Variants in ULK4 observed in about 807,000 individuals in gnomAD.
The protein encoded by ULK4 is inactive serine/threonine-protein kinase ULK4.
ULK4 carries 133 observed loss-of-function variants against 160.6 expected under a neutral mutation model. That is an observed-to-expected ratio of 0.83 (90% confidence interval 0.72 to 0.96). The LOEUF is 0.96. Ranked by LOEUF, ULK4 falls within the 40% of genes least tolerant of loss-of-function variation. The pLI is 0.00. For synonymous variants in ULK4, 534 were observed against 539.8 expected, an observed-to-expected ratio of 0.99 and a Z score of 0.15; for missense variants, 1,580 against 1,499.5, an observed-to-expected ratio of 1.05 and a Z score of -0.89.
intron 13 of ULK4, among the ~76,000 whole-genome samples, chr3:41,900,363 T>G (rs1295353530): frequency 6.6e-6 from 1 of 152,028 alleles, no homozygotes; most frequent in African/African-American, 2.4e-5. Flanking sequence ...ACTAGAATAT[T>G]TAGAGTGATT....
chr3:41,776,482 T>C (rs1024963081), intron 21 of ULK4, among the ~76,000 whole-genome samples: 1 of 150,826 alleles, frequency 6.6e-6, no homozygotes, highest in Non-Finnish European at 1.5e-5. Context: ...TGAATAAAAA[T>C]GTGGTACAGT....
At chr3:41,782,848 A>G (rs2039894036) in intron 21 of ULK4, among the ~76,000 whole-genome samples, 1 of 152,232 alleles carries the variant, frequency 6.6e-6, no homozygotes, top group Admixed American at 6.5e-5. Context: ...AAATTATTAA[A>G]TGTGCAAAAG....
intron 25 of ULK4, 139 bp from the exon 26 acceptor site, chr3:41,705,444 T>C: frequency 2.2e-6 from 1 of 456,698 alleles, no homozygotes. Flanking sequence ...ATACATATTA[T>C]ATTATTATAG....
chr3:41,617,303 T>C (rs1463969575), intron 30 of ULK4, among the ~76,000 whole-genome samples: 1 of 152,234 alleles, frequency 6.6e-6, no homozygotes, highest in Admixed American at 6.5e-5. Context: ...AGTGGGTCCC[T>C]GACCCCAAGC....
At position 41,900,729 on chromosome 3, in the gene ULK4, G is replaced by C. The variant is rs1458225794; in HGVS notation, c.1283C>G (p.Pro428Arg). 1 of 1,612,796 alleles carries C rather than the reference G, an allele frequency of 6.2e-7. No individual in the cohort carries two copies. Among genetic ancestry groups the C allele is most frequent in the Non-Finnish European group, 8.5e-7 (1 of 1,179,270 alleles). The part of the protein sequence containing the change: ...DLVVTPIIDN[P>R]KIMKQPPVKF... ...TGTTAGAGTGTCTTTCTGCACCTTTGGATTGTCGATAATGGGGGTGACAAC... is the reference window on the plus strand; with the variant it reads ...TGTTAGAGTGTCTTTCTGCACCTTTCGATTGTCGATAATGGGGGTGACAAC... The change falls in exon 13 of 37, where the codon CCA becomes CGA. Residue 428 changes from proline to arginine, a missense_variant. By Grantham distance (103) the Pro-to-Arg change is moderately radical. Transcript: ENST00000301831.
intron 35 of ULK4, among the ~76,000 whole-genome samples, chr3:41,382,768 CTCTTTA>C (rs1389474914): frequency 2.0e-5 from 3 of 152,070 alleles, no homozygotes; most frequent in Admixed American, 1.3e-4. Flanking sequence ...CTGAACTATA[CTCTTTA>C]TCTTTATATT....
At chr3:41,393,456 C>T (rs1293064713) in intron 35 of ULK4, among the ~76,000 whole-genome samples, 1 of 152,138 alleles carries the variant, frequency 6.6e-6, no homozygotes, top group East Asian at 1.9e-4. Context: ...TCAGGATGTG[C>T]TTCTTCCTGC....
intron 31 of ULK4, among the ~76,000 whole-genome samples, chr3:41,573,759 C>T (rs2088085948): frequency 6.6e-6 from 1 of 152,196 alleles, no homozygotes; most frequent in African/African-American, 2.4e-5. Context: ...GTCTACCATG[C>T]ACTCCATGTA....
At chr3:41,849,414 G>A (rs1321053112) in intron 17 of ULK4, among the ~76,000 whole-genome samples, 2 of 152,160 alleles carry the variant, frequency 1.3e-5, no homozygotes, top group Non-Finnish European at 2.9e-5. Context: ...ATGAACCACA[G>A]ACTGTATACA....
chr3:41,868,309 ATGAAC>A (rs1696969794), intron 17 of ULK4, among the ~76,000 whole-genome samples: 2 of 152,162 alleles, frequency 1.3e-5, no homozygotes, highest in South Asian at 4.1e-4. Context: ...ATGCTTCCTA[ATGAAC>A]TGAAATTTTC....
rs115053279 is a variant in ULK4, at chr3:41,678,544, C to T, written c.2978+2964G>A. On this transcript the variant is annotated intron_variant, in intron 29 of 36. Transcript: ENST00000301831. ...AGAGATGGCGAGAAAGACACATACA[C>T]GGAGCATCACAGACAGAAATCAAGC... 8.5e-3 allele frequency among the ~76,000 whole-genome samples: 1,301 copies of T among 152,230 alleles called. 17 individuals carry two copies. Among genetic ancestry groups the T allele is most frequent in the African/African-American group, 0.03 (1,230 of 41,520 alleles).
intron 2 of ULK4, among the ~76,000 whole-genome samples, chr3:41,945,292 A>G (rs1700080767): frequency 6.6e-6 from 1 of 152,182 alleles, no homozygotes; most frequent in Admixed American, 6.5e-5. Context: ...TACCACTTAC[A>G]TCAGTTTGGA....
chr3:41,438,452 C>A (rs896980744), intron 34 of ULK4, among the ~76,000 whole-genome samples: 1 of 152,002 alleles, frequency 6.6e-6, no homozygotes, highest in African/African-American at 2.4e-5. Context: ...AAATTTGCAC[C>A]CTTCCCCAGT....
chr3:41,484,339 G>A (rs1477494054), intron 32 of ULK4, among the ~76,000 whole-genome samples: 1 of 152,078 alleles, frequency 6.6e-6, no homozygotes, highest in African/African-American at 2.4e-5. Context: ...TGGTCAAAAT[G>A]GGATGAAAAC....
At chr3:41,557,712 C>T (rs953254412) in intron 32 of ULK4, among the ~76,000 whole-genome samples, 117 of 151,976 alleles carry the variant, frequency 7.7e-4, no homozygotes, top group African/African-American at 2.8e-3. Flanking sequence ...CTGCAATAAG[C>T]TCTGATTGTG....
intron 34 of ULK4, among the ~76,000 whole-genome samples, chr3:41,407,947 C>T (rs1020651067): frequency 6.6e-6 from 1 of 151,878 alleles, no homozygotes; most frequent in Non-Finnish European, 1.5e-5. Flanking sequence ...CCTAAGGAAC[C>T]CTTTAAAGAA....
intron 2 of ULK4, among the ~76,000 whole-genome samples, chr3:41,949,749 CTTTT>C (rs199711554): frequency 7.4e-6 from 1 of 134,876 alleles, no homozygotes; most frequent in African/African-American, 2.8e-5. Flanking sequence ...TTTTTTCTTT[CTTTT>C]TTTTTGAGAC....
At chr3:41,267,303 G>T (rs979071124) in intron 35 of ULK4, among the ~76,000 whole-genome samples, 1 of 152,002 alleles carries the variant, frequency 6.6e-6, no homozygotes, top group Non-Finnish European at 1.5e-5. Context: ...TGAGGATGAT[G>T]GCTTCCAGCT....
intron 25 of ULK4, among the ~76,000 whole-genome samples, chr3:41,706,877 G>A (rs2036914603): frequency 7.7e-6 from 1 of 129,566 alleles, no homozygotes; most frequent in African/African-American, 4.2e-5. Flanking sequence ...GTGTGTGTGT[G>A]TGTGTGTGTG....
Sources: allele counts gnomAD v4.1 joint callset (sites outside exome capture counted in the v4.1 genomes callset), GRCh38; gene constraint gnomAD v4.1.1; transcripts MANE v1.5; gene names NCBI Gene and HGNC (gene_info 2026-07-23, HGNC 2026-07-21).